The following SCARB2 variants were observed in gnomAD, a reference collection of about 807,000 sequenced individuals.
The protein encoded by SCARB2 is lysosome membrane protein 2.
In SCARB2, 29 loss-of-function variants were observed where a neutral mutation model predicts 58.6. The ratio of observed to expected loss-of-function variants is 0.49; its 90% CI spans 0.37 to 0.67. The LOEUF is 0.67. Among genes scored for constraint, SCARB2 ranks in the 30% least tolerant of loss-of-function variants. The pLI is 0.00. For synonymous variants in SCARB2, 195 were observed against 210.1 expected (o/e 0.93, Z 0.62); for missense variants, 488 against 578.5 (o/e 0.84, Z 1.60).
At position 76,213,752 on chromosome 4, in the gene SCARB2, G is replaced by T; in HGVS notation, c.-209C>A. 1 of 458,126 alleles carries T rather than the reference G, an allele frequency of 2.2e-6. No homozygotes were observed. The allele number at this position is 458,126 out of a possible 1,614,324, so 28.4% of individuals were successfully genotyped here. ...CACCGGGCGGATGGGGCCGCGGAGG[G>T]ACGGGCCCGGACTCGGTTTCGGTTT... On this transcript the variant is annotated 5_prime_UTR_variant, in exon 1 of 12. Coordinates refer to ENST00000264896, the MANE Select transcript of SCARB2 (RefSeq NM_005506.4).
intron 2 of SCARB2, among the ~76,000 whole-genome samples, chr4:76,185,040 C>T (rs966865574): frequency 2.0e-5 from 3 of 152,206 alleles, no homozygotes; most frequent in Non-Finnish European, 4.4e-5. Context: ...AGACCCTTCA[C>T]TTAGAAATCA....
chr4:76,169,333 C>A (rs1732078898), intron 8 of SCARB2, among the ~76,000 whole-genome samples: 1 of 141,396 alleles, frequency 7.1e-6, no homozygotes. Context: ...CACACACACA[C>A]ACACACACGT....
In SCARB2 at chr4:76,161,367, T is replaced by C. The variant is rs558193613; in HGVS notation, c.*346A>G. On this transcript the variant is annotated 3_prime_UTR_variant, in exon 12 of 12. Transcript: ENST00000264896. ...AGCATACTGAATGAAGTTAGACCAG[T>C]AGCATTAACAAGTGATGCAGAGACA... 2.3e-5 allele frequency: 8 copies of C among 351,662 alleles called. No homozygotes were observed. The highest frequency in any genetic ancestry group is 6.4e-5 in the South Asian group (2 of 31,400). 21.8% of individuals were successfully genotyped at this position (351,662 alleles called of 1,614,324 possible). A position where few individuals can be genotyped will look rare whatever the true frequency, so the allele number is the denominator to read the frequency against.
In SCARB2 at chr4:76,213,666, C is replaced by G; in HGVS notation, c.-123G>C. On this transcript the variant is annotated 5_prime_UTR_variant, in exon 1 of 12. Transcript: ENST00000264896. ...CTTCGGCGCCACGCCCACGCCCTCC[C>G]GGCGCACGGTTCGTGCGCGCAGCTC... is the stretch of plus-strand genomic sequence containing the variant. The G allele has an allele frequency of 4.0e-6, 3 of 745,994 alleles. No individual in the cohort carries two copies. The highest frequency in any genetic ancestry group is 2.3e-5 in the Admixed American group (1 of 42,958). The allele number at this position is 745,994 out of a possible 1,614,324, so 46.2% of individuals were successfully genotyped here.
At chr4:76,216,127 A>G (rs1733202441), upstream of SCARB2, among the ~76,000 whole-genome samples, 2 of 152,214 alleles carry the variant, frequency 1.3e-5, no homozygotes, top group South Asian at 4.2e-4. Flanking sequence ...GGTGTCCACA[A>G]TCGGCAGCCT....
rs3217498 is a variant in SCARB2 at position 76,169,341 on chromosome 4, C to CACACACACACACACATAT, written c.1113+525_1113+526insATATGTGTGTGTGTGTGT. On this transcript the variant is annotated intron_variant, in intron 8 of 11. Coordinates refer to ENST00000264896, the MANE Select transcript of SCARB2 (RefSeq NM_005506.4). ...ATACACACACACACACACACACACA[C>CACACACACACACACATAT]GTGTGTATGTCTCCTCTATGTATAT... is the stretch of plus-strand genomic sequence containing the variant. Among the ~76,000 whole-genome samples the CACACACACACACACATAT allele has an allele frequency of 9.8e-3, 1,487 of 151,214 alleles. 10 individuals carry two copies. Among genetic ancestry groups the CACACACACACACACATAT allele is most frequent in the African/African-American group, 0.019 (787 of 41,138 alleles).
At chr4:76,166,504 TATCAA>T (rs1412045201) in intron 9 of SCARB2, 1 of 627,528 alleles carries the variant, frequency 1.6e-6, no homozygotes, top group East Asian at 2.8e-5. Context: ...GCTGTACGTT[TATCAA>T]AACACAAGAT....
intron 7 of SCARB2, chr4:76,173,822 A>G: frequency 2.9e-6 from 1 of 339,898 alleles, no homozygotes; most frequent in Middle Eastern, 9.6e-4. Flanking sequence ...TCTAGAAATA[A>G]AAAGCATCAC....
intron 1 of SCARB2, among the ~76,000 whole-genome samples, chr4:76,211,149 G>C (rs141843894): frequency 3.3e-5 from 5 of 152,304 alleles, no homozygotes; most frequent in African/African-American, 1.2e-4. Flanking sequence ...GGTTTTGTGG[G>C]TCCTGAAGCT....
At chr4:76,233,809 G>C (rs1025543137) in intron 1 of SCARB2, among the ~76,000 whole-genome samples, 3 of 152,002 alleles carry the variant, frequency 2.0e-5, no homozygotes, top group African/African-American at 4.8e-5. Flanking sequence ...CCAGATGAAG[G>C]CTTCATTTCA....
At chr4:76,232,594 G>A (rs977723861) in intron 1 of SCARB2, among the ~76,000 whole-genome samples, 13 of 152,068 alleles carry the variant, frequency 8.5e-5, no homozygotes, top group Admixed American at 5.9e-4. Flanking sequence ...ATTTTAGAAA[G>A]TCCCATACAG....
At chr4:76,196,979 C>T (rs569186186) in intron 1 of SCARB2, among the ~76,000 whole-genome samples, 9 of 151,826 alleles carry the variant, frequency 5.9e-5, no homozygotes, top group African/African-American at 2.2e-4. Flanking sequence ...CTAATAGGAC[C>T]GGTGTCCTAA....
chr4:76,210,286 G>C (rs963041347), intron 1 of SCARB2, among the ~76,000 whole-genome samples: 1 of 152,132 alleles, frequency 6.6e-6, no homozygotes, highest in Non-Finnish European at 1.5e-5. Context: ...CACTGTGCTT[G>C]TTCAGCTTAG....
chr4:76,217,981 G>C (rs1733243482), upstream of SCARB2, among the ~76,000 whole-genome samples: 1 of 152,184 alleles, frequency 6.6e-6, no homozygotes, highest in Non-Finnish European at 1.5e-5. Context: ...TAATGATGTA[G>C]TCATTGTATA....
chr4:76,179,593 C>T lies in SCARB2; in HGVS notation c.536G>A (p.Gly179Asp). The T allele has an allele frequency of 1.2e-6, 2 of 1,614,068 alleles. No individual in the cohort carries two copies. The highest frequency in any genetic ancestry group is 2.2e-5 in the East Asian group (1 of 44,874). The change falls in exon 4 of 12, where the codon GGC becomes GAC. Residue 179 changes from glycine (G) to aspartate (D), a missense_variant. Transcript: ENST00000264896. ...AAGGGACAAGATTTCATCTTTGTAG[C>T]CCCAGAGCAATTCGTCAACTGTGTG... is the stretch of plus-strand genomic sequence containing the variant. The part of the protein sequence containing the change: ...VTHTVDELLW[G>D]YKDEILSLIH...
chr4:76,181,160 T>A, intron 2 of SCARB2, 59 bp from the exon 3 acceptor site: 1 of 1,531,126 alleles, frequency 6.5e-7, no homozygotes, highest in Non-Finnish European at 9.0e-7. Context: ...AGCAAGACTT[T>A]TCCTTTCTTT....
chr4:76,179,181 G>A, intron 4 of SCARB2: 1 of 328,684 alleles, frequency 3.0e-6, no homozygotes, highest in Non-Finnish European at 5.9e-6. Context: ...AGTCTCCTGA[G>A]TAGGTGAGAT....
intron 1 of SCARB2, among the ~76,000 whole-genome samples, chr4:76,221,765 G>A (rs766414782): frequency 5.9e-4 from 90 of 152,318 alleles, no homozygotes; most frequent in Middle Eastern, 3.4e-3. Flanking sequence ...GAAGGAGGAC[G>A]TGGGTGAGGA....
intron 1 of SCARB2, among the ~76,000 whole-genome samples, chr4:76,219,761 T>C (rs541428160): frequency 1.3e-5 from 2 of 152,108 alleles, no homozygotes; most frequent in East Asian, 3.9e-4. Context: ...GATATTAGAC[T>C]ATGGAAAGGG....
Sources: allele counts gnomAD v4.1 joint callset (sites outside exome capture counted in the v4.1 genomes callset), GRCh38; gene constraint gnomAD v4.1.1; transcripts MANE v1.5; gene names NCBI Gene and HGNC (gene_info 2026-07-23, HGNC 2026-07-21).